The following NOS1AP variants were observed in gnomAD, a reference collection of about 807,000 sequenced individuals.
The protein encoded by NOS1AP is carboxyl-terminal PDZ ligand of neuronal nitric oxide synthase protein.
In NOS1AP, 21 loss-of-function variants were observed where a neutral mutation model predicts 56.2. The ratio of observed to expected loss-of-function variants is 0.37; its 90% confidence interval spans 0.26 to 0.54. NOS1AP has a LOEUF of 0.54. Among genes scored for constraint, NOS1AP ranks in the 20% least tolerant of loss-of-function variants. NOS1AP has a pLI of 0.84. For missense variants in NOS1AP, 522 were observed against 657.8 expected (o/e 0.79, Z 2.26); for synonymous variants, 270 against 274.6 (o/e 0.98, Z 0.17).
chr1:162,331,709 A>G (rs143507831), intron 4 of NOS1AP, among the ~76,000 whole-genome samples: 2 of 152,332 alleles, frequency 1.3e-5, no homozygotes, highest in East Asian at 3.9e-4. Flanking sequence ...TTTTGCAGAA[A>G]TGATGTGGCC....
At chr1:162,091,730 C>T (rs1329594223) in intron 1 of NOS1AP, among the ~76,000 whole-genome samples, 1 of 152,150 alleles carries the variant, frequency 6.6e-6, no homozygotes, top group African/African-American at 2.4e-5. Context: ...TAAGGGAAGA[C>T]AGAGATCACA....
At chr1:162,331,151 G>A (rs1257651576) in intron 4 of NOS1AP, among the ~76,000 whole-genome samples, 2 of 152,154 alleles carry the variant, frequency 1.3e-5, no homozygotes, top group Non-Finnish European at 1.5e-5. Context: ...TTGATGTTAG[G>A]AAGACAGTTT....
chr1:162,243,277 T>G (rs1012111331), intron 2 of NOS1AP, among the ~76,000 whole-genome samples: 1 of 152,102 alleles, frequency 6.6e-6, no homozygotes, highest in Non-Finnish European at 1.5e-5. Context: ...CATCAAGCAC[T>G]GGCTAGATGA....
intron 2 of NOS1AP, among the ~76,000 whole-genome samples, chr1:162,199,304 A>G (rs937572753): frequency 6.6e-6 from 1 of 152,202 alleles, no homozygotes; most frequent in Admixed American, 6.5e-5. Context: ...CATTTATGGA[A>G]TATCTGCTCC....
intron 7 of NOS1AP, among the ~76,000 whole-genome samples, chr1:162,356,705 A>G (rs536642604): frequency 5.6e-4 from 86 of 152,310 alleles, no homozygotes; most frequent in African/African-American, 2.0e-3. Context: ...ATCAGCCATC[A>G]GTCTCCCATC....
chr1:162,295,164 G>A (rs1200141747), intron 3 of NOS1AP, among the ~76,000 whole-genome samples: 5 of 152,178 alleles, frequency 3.3e-5, no homozygotes, highest in Admixed American at 3.3e-4. Context: ...CTTTAGAGGT[G>A]TGTGTCCCCT....
intron 1 of NOS1AP, among the ~76,000 whole-genome samples, chr1:162,092,356 A>G (rs966206801): frequency 2.0e-5 from 3 of 152,208 alleles, no homozygotes; most frequent in Non-Finnish European, 4.4e-5. Context: ...CATCAGCACT[A>G]TCACAGCTCT....
chr1:162,311,012 T>C (rs543322285), intron 4 of NOS1AP, among the ~76,000 whole-genome samples: 1 of 152,202 alleles, frequency 6.6e-6, no homozygotes, highest in African/African-American at 2.4e-5. Context: ...TTCAGCTCTC[T>C]CCTTTCCTTT....
intron 4 of NOS1AP, among the ~76,000 whole-genome samples, chr1:162,318,881 C>A (rs946023006): frequency 1.4e-4 from 22 of 152,134 alleles, no homozygotes; most frequent in Non-Finnish European, 1.5e-5. Context: ...TGGCCCTTGA[C>A]CCCATTAATG....
At chr1:162,192,732 C>T (rs1271345555) in intron 2 of NOS1AP, among the ~76,000 whole-genome samples, 1 of 152,156 alleles carries the variant, frequency 6.6e-6, no homozygotes, top group African/African-American at 2.4e-5. Context: ...ATTTAATCTA[C>T]CTGTAGTCAG....
chr1:162,358,312 TGAA>T (rs1657768371), intron 8 of NOS1AP, among the ~76,000 whole-genome samples: 1 of 152,184 alleles, frequency 6.6e-6, no homozygotes, highest in Admixed American at 6.5e-5. Context: ...ACTCAGGGTT[TGAA>T]GAAGACCTTC....
chr1:162,289,628 C>A (rs1655222179), intron 3 of NOS1AP, among the ~76,000 whole-genome samples: 1 of 151,900 alleles, frequency 6.6e-6, no homozygotes, highest in Non-Finnish European at 1.5e-5. Context: ...GCGCCCGCCA[C>A]TACGCCCGGC....
At chr1:162,211,503 T>C (rs568908701) in intron 2 of NOS1AP, among the ~76,000 whole-genome samples, 1 of 152,236 alleles carries the variant, frequency 6.6e-6, no homozygotes, top group South Asian at 2.1e-4. Flanking sequence ...CACATTGGGG[T>C]TTAGGGCTTC....
chr1:162,210,092 G>A lies in NOS1AP; in HGVS notation c.177+55616G>A, dbSNP rs906975673. Among the ~76,000 whole-genome samples the A allele has an allele frequency of 3.9e-5, 6 of 152,308 alleles. 1 individual carries two copies. The highest frequency in any genetic ancestry group is 3.3e-4 in the Admixed American group (5 of 15,304). On this transcript the variant is annotated intron_variant, in intron 2 of 9. Transcript: ENST00000361897. ...TCCTTGTGAAAGGAGAAGGAAGAGA[G>A]ATGGGCATACTGCTGTCTGAAAGAC... is the stretch of plus-strand genomic sequence containing the variant.
intron 7 of NOS1AP, among the ~76,000 whole-genome samples, chr1:162,355,819 A>G (rs1657687253): frequency 6.6e-6 from 1 of 152,136 alleles, no homozygotes; most frequent in Admixed American, 6.5e-5. Context: ...GGCCCACTGG[A>G]TGTCAGAAAC....
chr1:162,348,382 G>A (rs1657372043), intron 6 of NOS1AP, among the ~76,000 whole-genome samples: 1 of 152,198 alleles, frequency 6.6e-6, no homozygotes, highest in Non-Finnish European at 1.5e-5. Flanking sequence ...CAGTGACCAT[G>A]AGTACAAATA....
At chr1:162,213,479 A>G (rs913832142) in intron 2 of NOS1AP, among the ~76,000 whole-genome samples, 2 of 152,118 alleles carry the variant, frequency 1.3e-5, no homozygotes, top group Non-Finnish European at 2.9e-5. Context: ...GAGACCTTTC[A>G]CCTTCACCTG....
chr1:162,347,406 C>T lies in NOS1AP; in HGVS notation c.595+3430C>T, dbSNP rs74928819. Among the ~76,000 whole-genome samples the T allele has an allele frequency of 2.9e-3, 444 of 152,260 alleles. 2 individuals carry two copies. The highest frequency in any genetic ancestry group is 0.01 in the African/African-American group (422 of 41,546). ...TATTCCTGGAGTGAAAGCGGTTGGA[C>T]GCAGAGAGGATGCCCAGAGGTTGAA... On this transcript the variant is annotated intron_variant, in intron 6 of 9. Coordinates refer to ENST00000361897, the MANE Select transcript of NOS1AP (RefSeq NM_014697.3).
intron 3 of NOS1AP, among the ~76,000 whole-genome samples, chr1:162,299,323 A>G (rs1388923224): frequency 6.6e-6 from 1 of 152,218 alleles, no homozygotes; most frequent in Non-Finnish European, 1.5e-5. Flanking sequence ...CATGCAGATC[A>G]GGGATCCAGT....
Sources: allele counts gnomAD v4.1 joint callset (sites outside exome capture counted in the v4.1 genomes callset), GRCh38; gene constraint gnomAD v4.1.1; transcripts MANE v1.5; gene names NCBI Gene and HGNC (gene_info 2026-07-23, HGNC 2026-07-21).